PLCG2: variants seen among roughly 807,000 people sequenced by gnomAD.
PLCG2 encodes 1-phosphatidylinositol 4,5-bisphosphate phosphodiesterase gamma-2.
A neutral mutation model predicts 175.6 loss-of-function variants in PLCG2; 69 were observed. That is an observed-to-expected ratio of 0.39 (90% CI 0.32 to 0.48). The LOEUF (loss-of-function observed/expected upper bound fraction) is 0.48, where lower values mean the gene tolerates loss of function less well. Ranked by LOEUF, PLCG2 falls within the 20% of genes least tolerant of loss-of-function variation. The pLI is 0.91. For missense variants in PLCG2, 1,798 were observed against 1,650.9 expected, an observed-to-expected ratio of 1.09 and a Z score of -1.54; for synonymous variants, 827 against 624.0, an observed-to-expected ratio of 1.33 and a Z score of -4.85.
chr16:81,921,294 C>T, intron 21 of PLCG2, 25 bp downstream of exon 21: 1 of 1,515,020 alleles, frequency 6.6e-7, no homozygotes, highest in African/African-American at 1.4e-5. Context: ...CTCCAATTCA[C>T]ATGATTTTGG....
At chr16:81,809,420 C>T (rs760946871) in intron 2 of PLCG2, among the ~76,000 whole-genome samples, 48 of 152,298 alleles carry the variant, frequency 3.2e-4, no homozygotes, top group Admixed American at 3.3e-4. Flanking sequence ...CAATGGACTT[C>T]GGCTCTATTT....
chr16:81,870,656 A>G (rs901256789), intron 6 of PLCG2, among the ~76,000 whole-genome samples, 196 bp from the exon 7 acceptor site: 3 of 152,212 alleles, frequency 2.0e-5, no homozygotes, highest in African/African-American at 7.2e-5. Flanking sequence ...CCAATGTTGT[A>G]GAAAAGCCAT....
intron 19 of PLCG2, among the ~76,000 whole-genome samples, chr16:81,914,260 G>T (rs1258456712): frequency 6.6e-6 from 1 of 152,220 alleles, no homozygotes; most frequent in Non-Finnish European, 1.5e-5. Flanking sequence ...ACCGGATCGG[G>T]GCCTCACCTG....
chr16:81,809,580 G>A (rs1904300268), intron 2 of PLCG2, among the ~76,000 whole-genome samples: 1 of 152,090 alleles, frequency 6.6e-6, no homozygotes, highest in African/African-American at 2.4e-5. Flanking sequence ...CTGTTTCTGG[G>A]GGAACCCAGA....
chr16:81,856,907 C>A (rs142557912), intron 3 of PLCG2, among the ~76,000 whole-genome samples: 7 of 152,236 alleles, frequency 4.6e-5, no homozygotes, highest in African/African-American at 1.4e-4. Context: ...AGGATGGAAA[C>A]AAAGGTCAGC....
chr16:81,768,563 T>TG (rs1910203527), intron 2 of PLCG2, among the ~76,000 whole-genome samples: 2 of 58,340 alleles, frequency 3.4e-5, no homozygotes, highest in South Asian at 1.5e-3. Context: ...TTTTTTTTTT[T>TG]TTTTTTTTTT....
chr16:81,779,470 C>G (rs1910630525), intron 1 of PLCG2, 46 bp downstream of exon 1: 1 of 151,570 alleles, frequency 6.6e-6, no homozygotes, highest in African/African-American at 2.4e-5. Flanking sequence ...GCCCAGGGAC[C>G]TGCGCCCCGC....
chr16:81,776,746 T>G (rs8056558), upstream of PLCG2, among the ~76,000 whole-genome samples: 147,993 of 152,248 alleles, frequency 0.97, 71,945 homozygotes, highest in East Asian at 1. Context: ...GTAGAGAGGG[T>G]GTTTTACCAT....
rs550571469 is a variant in PLCG2, at chr16:81,870,748, A to G, written c.565-104A>G. 1.1e-4 allele frequency: 66 copies of G among 608,846 alleles called. 1 individual carries two copies. Among genetic ancestry groups the G allele is most frequent in the Non-Finnish European group, 1.6e-4 (56 of 353,904 alleles). The allele number at this position is 608,846 out of a possible 1,614,324, so 37.7% of individuals were successfully genotyped here. On this transcript the variant is annotated intron_variant, in intron 6 of 32. Coordinates refer to ENST00000564138, the MANE Select transcript of PLCG2 (RefSeq NM_002661.5). ...TAGCTGTCTCTTCAGCATGCCAATAAAATAGCATGCCATTTCTGAAACAAA... is the reference window on the plus strand; with the variant it reads ...TAGCTGTCTCTTCAGCATGCCAATAGAATAGCATGCCATTTCTGAAACAAA...
At chr16:81,895,759 T>A in intron 12 of PLCG2, 48 bp from the exon 13 acceptor site, 1 of 1,608,530 alleles carries the variant, frequency 6.2e-7, no homozygotes, top group South Asian at 1.1e-5. Context: ...ACCTCGGGGC[T>A]GTCAGTGAAC....
At chr16:81,765,087 T>C (rs1422621164) in intron 2 of PLCG2, among the ~76,000 whole-genome samples, 2 of 151,950 alleles carry the variant, frequency 1.3e-5, no homozygotes, top group African/African-American at 4.9e-5. Context: ...GATGAGACAC[T>C]GTCCCCCCAC....
chr16:81,762,541 C>A (rs1482617564), intron 2 of PLCG2, among the ~76,000 whole-genome samples: 1 of 151,674 alleles, frequency 6.6e-6, no homozygotes, highest in Non-Finnish European at 1.5e-5. Context: ...TGCATTCCAG[C>A]CTGGGCAATA....
Position 81,958,816 on chromosome 16 carries a change from CT to C in PLCG2, c.*820del, listed in dbSNP as rs1244641894. 1.8e-5 allele frequency: 4 copies of C among 221,824 alleles called. No individual in the cohort carries two copies. Among genetic ancestry groups the C allele is most frequent in the Non-Finnish European group, 2.7e-5 (3 of 110,932 alleles). The allele number at this position is 221,824 out of a possible 1,614,324, so 13.7% of individuals were successfully genotyped here. A position where few individuals can be genotyped will look rare whatever the true frequency, so the allele number is the denominator to read the frequency against. On this transcript the variant is annotated 3_prime_UTR_variant, in exon 33 of 33. Coordinates refer to ENST00000564138, the MANE Select transcript of PLCG2 (RefSeq NM_002661.5). The stretch of plus-strand genomic sequence containing the variant: ...TGGCTGGGAGGCTGCTGGAATGGCC[CT>C]TGGTCCACAGCTCTCCACAGGCAAG...
chr16:81,895,597 C>G, intron 12 of PLCG2: 1 of 482,876 alleles, frequency 2.1e-6, no homozygotes, highest in Non-Finnish European at 3.7e-6. Context: ...AGCATTGAAA[C>G]TAGCTTGTCT....
chr16:81,886,033 G>T (rs1390663738), intron 9 of PLCG2, among the ~76,000 whole-genome samples: 1 of 152,186 alleles, frequency 6.6e-6, no homozygotes, highest in Non-Finnish European at 1.5e-5. Context: ...AGAAATTCAT[G>T]CACTTTTTTC....
chr16:81,859,044 G>T, intron 4 of PLCG2, 72 bp from the exon 5 acceptor site: 1 of 906,402 alleles, frequency 1.1e-6, no homozygotes. Context: ...ACATTCCGTA[G>T]GACTCACTTA....
chr16:81,934,048 C>A (rs11863412), intron 25 of PLCG2, among the ~76,000 whole-genome samples: 10,623 of 152,126 alleles, frequency 0.07, 496 homozygotes, highest in Non-Finnish European at 0.1. Context: ...GTCCACAGAG[C>A]CCCCGAGGAT....
intron 2 of PLCG2, among the ~76,000 whole-genome samples, chr16:81,826,804 C>T (rs758180176): frequency 1.1e-4 from 17 of 152,182 alleles, no homozygotes; most frequent in Non-Finnish European, 2.2e-4. Flanking sequence ...AACAGCTTTA[C>T]CGTGATTTTC....
intron 2 of PLCG2, among the ~76,000 whole-genome samples, chr16:81,831,727 A>G (rs1031546340): frequency 1.5e-4 from 23 of 152,112 alleles, no homozygotes; most frequent in African/African-American, 4.3e-4. Flanking sequence ...CTAGAGGGTA[A>G]TGGGGACCCC....
Sources: gnomAD v4.1 joint callset for allele counts (sites outside exome capture counted in the v4.1 genomes callset) on GRCh38, gnomAD v4.1.1 for gene constraint, MANE v1.5 for transcripts, NCBI Gene and HGNC (gene_info 2026-07-23, HGNC 2026-07-21) for gene names.